Variants in DDB1 observed in about 807,000 individuals in gnomAD.
The protein encoded by DDB1 is damage specific DNA binding protein 1, also known as DNA damage-binding protein 1.
DDB1 carries 18 observed loss-of-function variants against 133.1 expected under a neutral mutation model. The observed-to-expected ratio is 0.14, with a 90% CI of 0.09 to 0.20. The LOEUF (loss-of-function observed/expected upper bound fraction) is 0.20. Among genes scored for constraint, DDB1 ranks in the 10% least tolerant of loss-of-function variants. The probability of loss-of-function intolerance (pLI) is 1.00; values close to 1 mark genes in which losing one functional copy is unlikely to be tolerated. For synonymous variants in DDB1, 580 were observed against 550.5 expected (o/e 1.05, Z -0.75); for missense variants, 828 against 1,459.2 (o/e 0.57, Z 7.05).
intron 22 of DDB1, chr11:61,303,457 G>C (rs1156384417): frequency 6.2e-6 from 2 of 322,102 alleles, no homozygotes; most frequent in Non-Finnish European, 1.2e-5. Context: ...GGGAGGCCGT[G>C]GCGGGCCGAT....
At chr11:61,311,671 G>C in intron 18 of DDB1, 113 bp downstream of exon 18, 1 of 878,438 alleles carries the variant, frequency 1.1e-6, no homozygotes, top group African/African-American at 1.7e-5. Context: ...TGAACAGTCA[G>C]TGGTAACTGA....
chr11:61,301,383 T>G (rs1855791326), intron 25 of DDB1: 1 of 153,560 alleles, frequency 6.5e-6, no homozygotes, highest in African/African-American at 2.4e-5. Flanking sequence ...GGCAACATCA[T>G]GAACTCCTGT....
In DDB1 at chr11:61,326,903, A is replaced by T. The variant is rs767605315; in HGVS notation, c.550-10T>A. On this transcript the variant is annotated splice_polypyrimidine_tract_variant and intron_variant, in intron 4 of 26. Coordinates refer to ENST00000301764, the MANE Select transcript of DDB1 (RefSeq NM_001923.5). ...GCCGCCCCTGAGGGTCCTGGGGGGG[A>T]AAGGTAAAATGGTTAGCCCTTAGGA... is the stretch of plus-strand genomic sequence containing the variant. 4 of 1,604,914 alleles carry T rather than the reference A, an allele frequency of 2.5e-6. No homozygotes were observed. The highest frequency in any genetic ancestry group is 2.6e-6 in the Non-Finnish European group (3 of 1,172,022).
intron 9 of DDB1, chr11:61,321,957 A>G: frequency 3.6e-6 from 2 of 548,986 alleles, no homozygotes; most frequent in Non-Finnish European, 6.5e-6. Context: ...CTAGTTTACT[A>G]GAATGAGCAC....
At chr11:61,323,504 C>T (rs1337193802) in intron 7 of DDB1, 1 of 247,570 alleles carries the variant, frequency 4.0e-6, no homozygotes, top group Admixed American at 4.9e-5. Context: ...ATCGACCTCC[C>T]CGGGCTAAGG....
At chr11:61,323,222 C>T (rs1449156181) in intron 7 of DDB1, 128 bp from the exon 8 acceptor site, 4 of 764,758 alleles carry the variant, frequency 5.2e-6, no homozygotes, top group Non-Finnish European at 6.8e-6. Flanking sequence ...AGTTCTGTTT[C>T]AAATTCCCAG....
At chr11:61,302,030 A>G (rs919801104) in intron 25 of DDB1, 1 of 436,292 alleles carries the variant, frequency 2.3e-6, no homozygotes, top group Admixed American at 3.5e-5. Flanking sequence ...CATTTCCAAG[A>G]TGGACCAGCG....
chr11:61,329,178 A>T lies in DDB1; in HGVS notation c.549+185T>A, dbSNP rs945804790. The T allele has an allele frequency of 5.2e-6, 3 of 574,242 alleles. No individual in the cohort carries two copies. The African/African-American group carries it at 5.6e-5, about 11-fold the overall frequency. 35.6% of individuals were successfully genotyped at this position (574,242 alleles called of 1,614,324 possible). A position where few individuals can be genotyped will look rare whatever the true frequency, so the allele number is the denominator to read the frequency against. ...CCAGAGAGCTTGCTGCCTCCACAAT[A>T]AGTACTACTGCACTCAAGAAGCAAC... On this transcript the variant is annotated intron_variant, in intron 4 of 26. Coordinates refer to ENST00000301764, the MANE Select transcript of DDB1 (RefSeq NM_001923.5).
intron 21 of DDB1, among the ~76,000 whole-genome samples, chr11:61,305,195 T>C (rs1172776364): frequency 6.6e-6 from 1 of 152,176 alleles, no homozygotes; most frequent in Admixed American, 6.5e-5. Flanking sequence ...AGGAATATAT[T>C]CCAAGAATCA....
chr11:61,322,829 T>C (rs1016960541), intron 8 of DDB1, 182 bp downstream of exon 8: 5 of 606,440 alleles, frequency 8.2e-6, no homozygotes, highest in African/African-American at 1.9e-5. Context: ...GCAAATTTGC[T>C]GAATGAACCA....
At position 61,309,899 on chromosome 11, in the gene DDB1, C is replaced by G. The variant is rs751149642; in HGVS notation, c.2463G>C (p.Leu821=). Reference sequence around the variant, plus strand: ...TGAAGTAAGTGTTGGGGTCTTTGCCCAGCTTGCAGGAAACCAGACTGAGGG... The same window carrying G: ...TGAAGTAAGTGTTGGGGTCTTTGCCGAGCTTGCAGGAAACCAGACTGAGGG... The part of the protein sequence containing the change: ...EYALSLVSCK[L]GKDPNTYFIV... The change falls in exon 20 of 27, where the codon CTG becomes CTC. Residue 821 remains leucine, a synonymous_variant. Transcript: ENST00000301764. 97 of 1,614,096 alleles carry G rather than the reference C, an allele frequency of 6.0e-5. No individual in the cohort carries two copies. The highest frequency in any genetic ancestry group is 7.7e-5 in the Non-Finnish European group (91 of 1,180,046).
chr11:61,302,950 G>A, intron 23 of DDB1, 96 bp downstream of exon 23: 1 of 1,316,912 alleles, frequency 7.6e-7, no homozygotes, highest in Non-Finnish European at 1.1e-6. Context: ...GTAAACAGGA[G>A]CACCTGAACC....
intron 25 of DDB1, 200 bp from the exon 26 acceptor site, chr11:61,301,132 G>A (rs1316778672): frequency 1.5e-6 from 1 of 676,408 alleles, no homozygotes; most frequent in Non-Finnish European, 2.4e-6. Flanking sequence ...GTTCTCAATT[G>A]GGGTGATCTT....
Position 61,310,313 on chromosome 11 carries a change from C to A in DDB1, c.2383G>T (p.Asp795Tyr). ...TGTGCACCTTCAAAGGTGTGTTGGT[C>A]AATGATAAGTAGGTTGTGCACCTCC... The part of the protein sequence containing the change: ...EVEVHNLLII[D>Y]QHTFEVLHAH... Residue 795 changes from aspartate (D) to tyrosine (Y), a missense_variant, in exon 19 of 27, where the codon GAC becomes TAC. By Grantham distance (160) the Asp-to-Tyr change is radical. Around this residue, in one of 7 missense-constraint regions of DDB1, gnomAD observed 396 missense variants for 554.1 expected, o/e 0.71. Transcript: ENST00000301764. The A allele has an allele frequency of 6.2e-7, 1 of 1,611,032 alleles. No individual in the cohort carries two copies. Among genetic ancestry groups the A allele is most frequent in the South Asian group, 1.1e-5 (1 of 90,714 alleles).
At chr11:61,310,474 C>T in intron 18 of DDB1, 56 bp from the exon 19 acceptor site, 2 of 1,531,880 alleles carry the variant, frequency 1.3e-6, no homozygotes, top group Non-Finnish European at 1.8e-6. Flanking sequence ...AGTGCTGAGA[C>T]ATCATTGTGA....
chr11:61,321,461 T>A, intron 10 of DDB1, 134 bp downstream of exon 10: 1 of 677,878 alleles, frequency 1.5e-6, no homozygotes, highest in Non-Finnish European at 2.6e-6. Flanking sequence ...TTTAAGCTTC[T>A]GATCTGTTGT....
intron 12 of DDB1, chr11:61,314,823 CTT>C (rs549452269): frequency 0.028 from 2,242 of 81,216 alleles, 9 homozygotes; most frequent in Non-Finnish European, 0.033. Flanking sequence ...AGTTTTTTGG[CTT>C]TTTTTTTTTT....
chr11:61,320,713 T>C (rs907115109), intron 10 of DDB1, among the ~76,000 whole-genome samples: 1 of 152,220 alleles, frequency 6.6e-6, no homozygotes, highest in Non-Finnish European at 1.5e-5. Flanking sequence ...TTTAAAGATG[T>C]GCCTCCTATA....
At chr11:61,332,178 AATACCT>A in intron 1 of DDB1, 2 of 160,644 alleles carry the variant, frequency 1.2e-5, no homozygotes, top group Non-Finnish European at 2.8e-5. Context: ...GCAGTCTACC[AATACCT>A]CCATCCACAC....
Sources: allele counts gnomAD v4.1 joint callset (sites outside exome capture counted in the v4.1 genomes callset), GRCh38; gene constraint gnomAD v4.1.1; regional missense constraint gnomAD v4.1.1; transcripts MANE v1.5; gene names NCBI Gene and HGNC (gene_info 2026-07-23, HGNC 2026-07-21).